CSMD1: variants seen among roughly 807,000 people sequenced by gnomAD.
CSMD1 encodes the protein CUB and Sushi multiple domains 1.
Under a neutral mutation model 417.5 loss-of-function variants are expected in CSMD1, and 213 were observed. The ratio of observed to expected loss-of-function variants is 0.51; its 90% confidence interval spans 0.46 to 0.57. CSMD1 has a LOEUF of 0.57. Ranked by LOEUF, CSMD1 falls within the 20% of genes least tolerant of loss-of-function variation. The pLI is 0.00. For synonymous variants in CSMD1, 2,862 were observed against 1,736.8 expected (o/e 1.65, Z -16.11); for missense variants, 6,923 against 4,529.7 (o/e 1.53, Z -15.17).
At chr8:3,376,305 A>G (rs1260974071) in intron 18 of CSMD1, among the ~76,000 whole-genome samples, 1 of 152,080 alleles carries the variant, frequency 6.6e-6, no homozygotes, top group East Asian at 1.9e-4. Flanking sequence ...AACCAATAAT[A>G]CTTTTTCAAA....
chr8:4,158,935 G>C (rs1344939134), intron 3 of CSMD1, among the ~76,000 whole-genome samples: 4 of 152,022 alleles, frequency 2.6e-5, no homozygotes, highest in Admixed American at 6.5e-5. Flanking sequence ...TTTGTTTTTT[G>C]AGACAGTTTC....
At chr8:3,182,697 G>C (rs1563119240) in intron 36 of CSMD1, among the ~76,000 whole-genome samples, 2 of 129,126 alleles carry the variant, frequency 1.5e-5, no homozygotes, top group Non-Finnish European at 1.7e-5. Context: ...GTGTGTGTAT[G>C]TGTGTGTATT....
intron 1 of CSMD1, among the ~76,000 whole-genome samples, chr8:4,713,927 T>C (rs1355381417): frequency 1.3e-5 from 2 of 152,044 alleles, no homozygotes; most frequent in Admixed American, 6.5e-5. Context: ...GGTGGATCAC[T>C]TGAGGTCAGG....
chr8:4,331,437 C>G (rs868454205), intron 3 of CSMD1, among the ~76,000 whole-genome samples: 5 of 152,142 alleles, frequency 3.3e-5, no homozygotes, highest in East Asian at 1.9e-4. Context: ...AAAATACATC[C>G]TGGTTTCTGG....
At chr8:3,558,341 C>T (rs1462145513) in intron 10 of CSMD1, among the ~76,000 whole-genome samples, 3 of 123,150 alleles carry the variant, frequency 2.4e-5, no homozygotes, top group Admixed American at 9.4e-5. Context: ...TCAGTAGTAC[C>T]CCGTGTCCAC....
chr8:4,004,444 G>T (rs1170695765), intron 4 of CSMD1, among the ~76,000 whole-genome samples: 2 of 150,226 alleles, frequency 1.3e-5, no homozygotes, highest in Middle Eastern at 3.7e-3. Flanking sequence ...TAAAGGAAAG[G>T]CTATTTTATA....
At chr8:3,907,351 A>G (rs1308140440) in intron 5 of CSMD1, among the ~76,000 whole-genome samples, 1 of 152,226 alleles carries the variant, frequency 6.6e-6, no homozygotes, top group African/African-American at 2.4e-5. Context: ...ATTAGAAAAA[A>G]CAAATAAGTT....
rs146673226 is a variant in CSMD1 at position 3,770,422 on chromosome 8, G to C, written c.819-16380C>G. Reference sequence around the variant, plus strand: ...TGCGTGCCTGTAATTCCAGCTACTCGAGAGGCTGAGGCAGAAGATTCTCTT... The same window carrying C: ...TGCGTGCCTGTAATTCCAGCTACTCCAGAGGCTGAGGCAGAAGATTCTCTT... On this transcript the variant is annotated intron_variant, in intron 5 of 69. Coordinates refer to ENST00000635120, the MANE Select transcript of CSMD1 (RefSeq NM_033225.6). Among the ~76,000 whole-genome samples the C allele has an allele frequency of 1.8e-3, 278 of 152,162 alleles. 3 individuals carry two copies. In the East Asian group the frequency reaches 0.034, roughly 18 times the overall value.
rs934513455 is a variant in CSMD1 at position 4,377,693 on chromosome 8, T to G, written c.415+42260A>C. Among the ~76,000 whole-genome samples, 5 of 152,216 alleles carry G rather than the reference T, an allele frequency of 3.3e-5. No homozygotes were observed. In the South Asian group the frequency reaches 8.3e-4, roughly 25 times the overall value. On this transcript the variant is annotated intron_variant, in intron 3 of 69. Transcript: ENST00000635120. ...ATATTTCTATTAAGCTTTTAAAAAT[T>G]TCATCTGTGGCATACTTTTGATTTA...
chr8:3,330,311 C>G (rs149485629), intron 23 of CSMD1, among the ~76,000 whole-genome samples: 3 of 152,292 alleles, frequency 2.0e-5, no homozygotes, highest in Non-Finnish European at 2.9e-5. Flanking sequence ...TTCGATGCAG[C>G]AGTATTCACA....
chr8:4,729,584 CAT>C (rs992456889), intron 1 of CSMD1, among the ~76,000 whole-genome samples: 48 of 152,100 alleles, frequency 3.2e-4, no homozygotes, highest in African/African-American at 1.1e-3. Flanking sequence ...GCTAGAGAAA[CAT>C]ATAAAAAAAC....
At chr8:3,246,211 T>TG (rs1799869032) in intron 26 of CSMD1, among the ~76,000 whole-genome samples, 2 of 152,152 alleles carry the variant, frequency 1.3e-5, no homozygotes, top group African/African-American at 4.8e-5. Context: ...ATCAGGGCCC[T>TG]GCCTGCCACA....
chr8:3,782,526 G>A (rs1362748737), intron 5 of CSMD1, among the ~76,000 whole-genome samples: 3 of 152,194 alleles, frequency 2.0e-5, no homozygotes, highest in African/African-American at 4.8e-5. Flanking sequence ...GGGATAGCAT[G>A]AGGAGAAATA....
intron 54 of CSMD1, among the ~76,000 whole-genome samples, chr8:2,988,476 T>G (rs1393423682): frequency 6.6e-6 from 1 of 152,186 alleles, no homozygotes. Context: ...GGTCCCTCAC[T>G]GAACTGGCTC....
intron 49 of CSMD1, among the ~76,000 whole-genome samples, chr8:3,065,668 T>C (rs1812894763): frequency 6.6e-6 from 1 of 152,150 alleles, no homozygotes; most frequent in Non-Finnish European, 1.5e-5. Flanking sequence ...GATTGATCAA[T>C]CGCTAGGTTG....
intron 2 of CSMD1, among the ~76,000 whole-genome samples, chr8:4,590,184 T>C (rs1222721680): frequency 1.3e-5 from 2 of 152,174 alleles, no homozygotes; most frequent in Non-Finnish European, 2.9e-5. Flanking sequence ...TTTTTTTTCT[T>C]TTAGATGAGA....
At chr8:4,614,246 G>A (rs868469122) in intron 2 of CSMD1, among the ~76,000 whole-genome samples, 4 of 152,298 alleles carry the variant, frequency 2.6e-5, no homozygotes, top group Non-Finnish European at 4.4e-5. Flanking sequence ...ATGGACCCAA[G>A]ACTAGTTCAG....
rs147614388 is a variant in CSMD1, at chr8:4,626,962, G to T, written c.302+10380C>A. Among the ~76,000 whole-genome samples, 276 of 152,210 alleles carry T rather than the reference G, an allele frequency of 1.8e-3. 1 individual carries two copies. Among genetic ancestry groups the T allele is most frequent in the African/African-American group, 6.3e-3 (262 of 41,536 alleles). ...ATCAGATTTCTCTGCAAAGGGATACGTAAGTAGGTGAGTGTATTTATTGTG... is the reference window on the plus strand; with the variant it reads ...ATCAGATTTCTCTGCAAAGGGATACTTAAGTAGGTGAGTGTATTTATTGTG... On this transcript the variant is annotated intron_variant, in intron 2 of 69. Coordinates refer to ENST00000635120, the MANE Select transcript of CSMD1 (RefSeq NM_033225.6).
intron 23 of CSMD1, among the ~76,000 whole-genome samples, chr8:3,338,452 G>C (rs757602728): frequency 1.3e-5 from 2 of 152,252 alleles, no homozygotes; most frequent in Non-Finnish European, 2.9e-5. Flanking sequence ...ATTCAGGATA[G>C]TGATGAGGGG....
Sources: gnomAD v4.1 joint callset for allele counts (sites outside exome capture counted in the v4.1 genomes callset) on GRCh38, gnomAD v4.1.1 for gene constraint, MANE v1.5 for transcripts, NCBI Gene and HGNC (gene_info 2026-07-23, HGNC 2026-07-21) for gene names.